The following ERCC1 variants were observed in gnomAD, a reference collection of about 807,000 sequenced individuals.
ERCC1 encodes ERCC excision repair 1, endonuclease non-catalytic subunit.
ERCC1 carries 36 observed loss-of-function variants against 37.6 expected under a neutral mutation model. The ratio of observed to expected loss-of-function variants is 0.96; its 90% CI spans 0.73 to 1.26. ERCC1 has a LOEUF of 1.26. Ranked by LOEUF, ERCC1 falls within the 50% of genes most tolerant of loss-of-function variation. The probability of loss-of-function intolerance (pLI) is 0.00; values close to 1 mark genes in which losing one functional copy is unlikely to be tolerated. For synonymous variants in ERCC1, 156 were observed against 162.1 expected (o/e 0.96, Z 0.28); for missense variants, 349 against 376.5 (o/e 0.93, Z 0.60).
chr19:45,425,745 T>C (rs1974673508), upstream of ERCC1, among the ~76,000 whole-genome samples: 1 of 152,230 alleles, frequency 6.6e-6, no homozygotes, highest in South Asian at 2.1e-4. Context: ...TGACCAAAGG[T>C]AGATCTTTTC....
Position 45,421,343 on chromosome 19 carries a change from C to G in ERCC1, c.156G>C (p.Ser52=), listed in dbSNP as rs1159203686. ...STQSLPTVDT[S]AQAAPQTYAE... is the part of the protein sequence containing the mutation. ...CGTAGGTCTGAGGGGCCGCCTGGGC[C>G]GAGGTGTCCACAGTGGGAAGGCTCT... is the stretch of plus-strand genomic sequence containing the variant. Residue 52 remains serine (S), a synonymous_variant, in exon 3 of 10, where the codon TCG becomes TCC. Coordinates refer to ENST00000300853, the MANE Select transcript of ERCC1 (RefSeq NM_001983.4). 2 of 1,613,934 alleles carry G rather than the reference C, an allele frequency of 1.2e-6. No individual in the cohort carries two copies. The highest frequency in any genetic ancestry group is 1.7e-6 in the Non-Finnish European group (2 of 1,180,026).
At chr19:45,430,261 C>T (rs559356735) in intron 1 of ERCC1, among the ~76,000 whole-genome samples, 2 of 152,268 alleles carry the variant, frequency 1.3e-5, no homozygotes, top group South Asian at 2.1e-4. Flanking sequence ...TGACATTTCC[C>T]GTTATAATAG....
intron 1 of ERCC1, among the ~76,000 whole-genome samples, chr19:45,434,051 G>C (rs12979390): frequency 0.18 from 27,451 of 150,012 alleles, 2,792 homozygotes; most frequent in East Asian, 0.44. Flanking sequence ...GGCTGAGGCA[G>C]GAGAATCACT....
rs546528422 is a variant in ERCC1 at position 45,422,919 on chromosome 19, T to A, written c.105+351A>T. Among the ~76,000 whole-genome samples the A allele has an allele frequency of 6.6e-5, 10 of 152,338 alleles. No homozygotes were observed. The South Asian group carries it at 1.4e-3, about 22-fold the overall frequency. ...TTCAATATTGCCAGGTCCTTCCATT[T>A]ACCAAAATATGTCTAAAGTGTAGAT... On this transcript the variant is annotated intron_variant, in intron 2 of 9. Coordinates refer to ENST00000300853, the MANE Select transcript of ERCC1 (RefSeq NM_001983.4).
intron 1 of ERCC1, among the ~76,000 whole-genome samples, chr19:45,438,868 C>G (rs28478677): frequency 0.21 from 31,866 of 151,898 alleles, 3,608 homozygotes; most frequent in East Asian, 0.44. Flanking sequence ...CTCGAAATCC[C>G]GACCTCAAGT....
intron 1 of ERCC1, among the ~76,000 whole-genome samples, chr19:45,432,963 C>A (rs561510356): frequency 1.3e-5 from 2 of 152,148 alleles, no homozygotes; most frequent in South Asian, 4.1e-4. Context: ...GCCTCTAATC[C>A]CACCTACTCG....
chr19:45,410,958 T>C (rs971211343), intron 9 of ERCC1, among the ~76,000 whole-genome samples: 1 of 152,062 alleles, frequency 6.6e-6, no homozygotes, highest in African/African-American at 2.4e-5. Context: ...CAAGTAGTTG[T>C]GATTACAGGC....
chr19:45,414,611 C>T, intron 7 of ERCC1: 1 of 495,004 alleles, frequency 2.0e-6, no homozygotes, highest in East Asian at 3.7e-5. Context: ...CTGACGGGCC[C>T]TTGTTGAGCC....
chr19:45,422,837 C>T (rs1391852008), intron 2 of ERCC1, among the ~76,000 whole-genome samples: 2 of 152,182 alleles, frequency 1.3e-5, no homozygotes, highest in African/African-American at 4.8e-5. Flanking sequence ...GCCCACTTTC[C>T]TTTTCTTCAT....
rs755278403 is a variant in ERCC1 at position 45,420,455 on chromosome 19, T to A, written c.322-28A>T. ...GGGGAGGGACGAAGGGCAGAAGCCA[T>A]CAATAGGGATGACCCTTGATAACCA... On this transcript the variant is annotated intron_variant, in intron 3 of 9. Coordinates refer to ENST00000300853, the MANE Select transcript of ERCC1 (RefSeq NM_001983.4). This position sits in a 1 kb window ranked among gnomAD's most constrained non-coding sequence, Gnocchi z 4.8. 3.5e-6 allele frequency: 5 copies of A among 1,437,756 alleles called. No homozygotes were observed. The highest frequency in any genetic ancestry group is 1.4e-5 in the African/African-American group (1 of 70,120). 89.1% of individuals were successfully genotyped at this position (1,437,756 alleles called of 1,614,324 possible). A position where few individuals can be genotyped will look rare whatever the true frequency, so the allele number is the denominator to read the frequency against.
In ERCC1 at chr19:45,420,092, C is replaced by T. The variant is rs1049113498; in HGVS notation, c.425+232G>A. Reference sequence around the variant, plus strand: ...CCCTCCTCCCCCGGACCCAGGAGTCCGGCCCCCAGCCCCTCCTTCCTGAGA... The same window carrying T: ...CCCTCCTCCCCCGGACCCAGGAGTCTGGCCCCCAGCCCCTCCTTCCTGAGA... On this transcript the variant is annotated intron_variant, in intron 4 of 9. Coordinates refer to ENST00000300853, the MANE Select transcript of ERCC1 (RefSeq NM_001983.4). The surrounding 1 kb of genome is among the most constrained non-coding windows in gnomAD (Gnocchi z 4.8). Among the ~76,000 whole-genome samples, 2 of 147,476 alleles carry T rather than the reference C, an allele frequency of 1.4e-5. No individual in the cohort carries two copies. The highest frequency in any genetic ancestry group is 6.7e-5 in the Admixed American group (1 of 14,878).
At chr19:45,418,958 C>A in intron 5 of ERCC1, 140 bp downstream of exon 5, 2 of 704,162 alleles carry the variant, frequency 2.8e-6, no homozygotes, top group Non-Finnish European at 5.1e-6. Context: ...AACATAATGT[C>A]TTGGTGACCC....
intron 9 of ERCC1, among the ~76,000 whole-genome samples, chr19:45,413,148 G>A (rs1973843033): frequency 6.6e-6 from 1 of 152,196 alleles, no homozygotes; most frequent in South Asian, 2.1e-4. Flanking sequence ...GTCCTGGAGA[G>A]CTTCTCAATG....
At chr19:45,432,895 A>G (rs1974870860) in intron 1 of ERCC1, among the ~76,000 whole-genome samples, 2 of 151,870 alleles carry the variant, frequency 1.3e-5, no homozygotes, top group Admixed American at 6.6e-5. Flanking sequence ...GACCTGACCA[A>G]CATGGATAAA....
In ERCC1 at chr19:45,407,379, TAG is replaced by T. The variant is rs1383926497; in HGVS notation, c.*2294_*2295del. 2.5e-5 allele frequency: 18 copies of T among 709,266 alleles called. No homozygotes were observed. The Admixed American group carries it at 3.0e-4, about 12-fold the overall frequency. The allele number at this position is 709,266 out of a possible 1,614,324, so 43.9% of individuals were successfully genotyped here. On this transcript the variant is annotated 3_prime_UTR_variant, in exon 10 of 10. Coordinates refer to ENST00000300853, the MANE Select transcript of ERCC1 (RefSeq NM_001983.4). ...TATTGGAAACTACTCCTTTACAGAG[TAG>T]AGTGTCCTCAGAAAGCAGGGGGAGA...
chr19:45,422,539 G>C (rs562468353), intron 2 of ERCC1, among the ~76,000 whole-genome samples: 1 of 152,094 alleles, frequency 6.6e-6, no homozygotes, highest in Non-Finnish European at 1.5e-5. Flanking sequence ...TTGGGAGGCC[G>C]AGGTGGGCGG....
In ERCC1 at chr19:45,408,701, C is replaced by T; in HGVS notation, c.*974G>A. Reference sequence around the variant, plus strand: ...GGAGACACTGGAGCCTCTGGGAGTGCTGTTCCCGTCCACCACCAAGAAGAG... The same window carrying T: ...GGAGACACTGGAGCCTCTGGGAGTGTTGTTCCCGTCCACCACCAAGAAGAG... On this transcript the variant is annotated 3_prime_UTR_variant, in exon 10 of 10. Transcript: ENST00000300853. 6.2e-7 allele frequency: 1 copy of T among 1,613,734 alleles called. No homozygotes were observed. The highest frequency in any genetic ancestry group is 8.5e-7 in the Non-Finnish European group (1 of 1,179,948).
intron 1 of ERCC1, among the ~76,000 whole-genome samples, chr19:45,430,036 G>A (rs534755002): frequency 1.7e-4 from 26 of 152,170 alleles, no homozygotes; most frequent in African/African-American, 4.1e-4. Context: ...CACCCGCCTC[G>A]GCCTCCCAAA....
chr19:45,447,007 A>G (rs1250806759), intron 1 of ERCC1, among the ~76,000 whole-genome samples: 1 of 151,974 alleles, frequency 6.6e-6, no homozygotes, highest in African/African-American at 2.4e-5. Flanking sequence ...AAAAAAAAAG[A>G]AAAGAAAAGA....
Sources: allele counts gnomAD v4.1 joint callset (sites outside exome capture counted in the v4.1 genomes callset), GRCh38; gene constraint gnomAD v4.1.1; non-coding constraint Gnocchi (gnomAD v3.1); transcripts MANE v1.5; gene names NCBI Gene and HGNC (gene_info 2026-07-23, HGNC 2026-07-21).